The following DISC1 variants were observed in gnomAD, a reference collection of about 807,000 sequenced individuals.
The protein encoded by DISC1 is DISC1 scaffold protein.
In DISC1, 57 loss-of-function variants were observed where a neutral mutation model predicts 84.5. The observed-to-expected ratio is 0.67, with a 90% confidence interval of 0.55 to 0.84. The LOEUF is 0.84. Ranked by LOEUF, DISC1 falls within the 40% of genes least tolerant of loss-of-function variation. The probability of loss-of-function intolerance (pLI) is 0.00; values close to 1 mark genes in which losing one functional copy is unlikely to be tolerated. For missense variants in DISC1, 1,000 were observed against 1,057.8 expected, an observed-to-expected ratio of 0.95 and a Z score of 0.76; for synonymous variants, 411 against 415.2, an observed-to-expected ratio of 0.99 and a Z score of 0.12.
At chr1:231,970,635 C>T (rs1309355608) in intron 10 of DISC1, among the ~76,000 whole-genome samples, 2 of 151,940 alleles carry the variant, frequency 1.3e-5, no homozygotes, top group East Asian at 1.9e-4. Flanking sequence ...GAAAGATAGC[C>T]TGAAGAAAAA....
At chr1:231,833,453 G>A (rs1473288681) in intron 9 of DISC1, among the ~76,000 whole-genome samples, 1 of 151,754 alleles carries the variant, frequency 6.6e-6, no homozygotes, top group Non-Finnish European at 1.5e-5. Flanking sequence ...CTTCCAAGGC[G>A]ATTTGGCAGT....
chr1:231,905,594 C>A (rs1558714932), intron 9 of DISC1, among the ~76,000 whole-genome samples: 1 of 151,898 alleles, frequency 6.6e-6, no homozygotes, highest in Non-Finnish European at 1.5e-5. Context: ...TGCATTCCAG[C>A]CTGAGCAACA....
chr1:231,823,930 G>T (rs2081673674), intron 9 of DISC1, among the ~76,000 whole-genome samples: 1 of 151,514 alleles, frequency 6.6e-6, no homozygotes, highest in South Asian at 2.1e-4. Context: ...TTTTAAAGGG[G>T]TCATTCTAAG....
At chr1:232,024,829 A>G (rs2103038104) in intron 11 of DISC1, among the ~76,000 whole-genome samples, 1 of 152,076 alleles carries the variant, frequency 6.6e-6, no homozygotes, top group East Asian at 1.9e-4. Context: ...TGACCTCATG[A>G]TCCACCCGCC....
intron 10 of DISC1, among the ~76,000 whole-genome samples, chr1:231,997,195 C>T (rs1471706774): frequency 6.6e-6 from 1 of 152,210 alleles, no homozygotes; most frequent in East Asian, 1.9e-4. Context: ...GGACTACCCT[C>T]ACTCAGGGTG....
At chr1:231,660,625 G>C (rs1446001706) in intron 1 of DISC1, among the ~76,000 whole-genome samples, 1 of 152,094 alleles carries the variant, frequency 6.6e-6, no homozygotes, top group Admixed American at 6.5e-5. Flanking sequence ...ACAGGCACCT[G>C]CCATCTTTTA....
chr1:231,971,332 G>A (rs1661925334), intron 10 of DISC1, among the ~76,000 whole-genome samples: 1 of 152,082 alleles, frequency 6.6e-6, no homozygotes, highest in Non-Finnish European at 1.5e-5. Flanking sequence ...TTGCTAACAT[G>A]GTATGAACCT....
At position 231,626,831 on chromosome 1, in the gene DISC1, A is replaced by G; in HGVS notation, c.-37A>G. The G allele has an allele frequency of 7.1e-7, 1 of 1,416,296 alleles. No individual in the cohort carries two copies. The highest frequency in any genetic ancestry group is 3.1e-5 in the Admixed American group (1 of 31,988). 87.7% of individuals were successfully genotyped at this position (1,416,296 alleles called of 1,614,324 possible). On this transcript the variant is annotated 5_prime_UTR_variant, in exon 1 of 13. Coordinates refer to ENST00000439617, the MANE Select transcript of DISC1 (RefSeq NM_018662.3). ...TGGCCTCGGGGAAGGAGCAGGAGGC[A>G]GCCCAGGCGGAGCGGGAGGAGCTGG...
At chr1:231,940,752 G>A (rs1258446147) in intron 9 of DISC1, among the ~76,000 whole-genome samples, 1 of 152,228 alleles carries the variant, frequency 6.6e-6, no homozygotes, top group African/African-American at 2.4e-5. Context: ...AATACATGCA[G>A]TTTTCACATT....
chr1:231,709,850 T>C (rs1251899734), intron 3 of DISC1, among the ~76,000 whole-genome samples: 1 of 152,196 alleles, frequency 6.6e-6, no homozygotes, highest in African/African-American at 2.4e-5. Flanking sequence ...CTGTTCATGT[T>C]GTAGAGTCCG....
At chr1:231,885,001 C>G (rs1178997205) in intron 9 of DISC1, among the ~76,000 whole-genome samples, 1 of 152,174 alleles carries the variant, frequency 6.6e-6, no homozygotes, top group African/African-American at 2.4e-5. Flanking sequence ...CCATGGCCAA[C>G]TGGCTTTAGA....
At chr1:231,871,648 A>G (rs1476423392) in intron 9 of DISC1, among the ~76,000 whole-genome samples, 2 of 152,228 alleles carry the variant, frequency 1.3e-5, no homozygotes, top group African/African-American at 2.4e-5. Context: ...TCTGTCTTAA[A>G]GGAAGTCAGG....
chr1:231,712,004 CTA>C (rs1431131299), intron 3 of DISC1, among the ~76,000 whole-genome samples: 1 of 152,094 alleles, frequency 6.6e-6, no homozygotes, highest in Admixed American at 6.5e-5. Context: ...GAGGTGGGTC[CTA>C]TATGACATCA....
intron 8 of DISC1, among the ~76,000 whole-genome samples, chr1:231,817,682 AG>A (rs113599772): frequency 6.6e-6 from 1 of 152,100 alleles, no homozygotes; most frequent in Non-Finnish European, 1.5e-5. Context: ...ATCATCTTCT[AG>A]TTTTTTGTTA....
At chr1:232,021,020 G>A (rs7533169) in intron 11 of DISC1, among the ~76,000 whole-genome samples, 28,671 of 152,122 alleles carry the variant, frequency 0.19, 2,831 homozygotes, top group African/African-American at 0.21. Flanking sequence ...CTGTGTGACC[G>A]TAACATATAA....
At chr1:231,958,742 C>T in intron 9 of DISC1, 86 bp from the exon 10 acceptor site, 1 of 1,355,952 alleles carries the variant, frequency 7.4e-7, no homozygotes, top group African/African-American at 1.4e-5. Flanking sequence ...GACCTCAATC[C>T]TTTGGCTTTG....
intron 9 of DISC1, among the ~76,000 whole-genome samples, chr1:231,833,671 A>G (rs2082412115): frequency 6.6e-6 from 1 of 152,154 alleles, no homozygotes; most frequent in African/African-American, 2.4e-5. Context: ...TGGCACTTGT[A>G]GCAAGCTCCT....
chr1:231,783,120 T>A (rs961569941), intron 6 of DISC1, among the ~76,000 whole-genome samples: 3 of 152,192 alleles, frequency 2.0e-5, no homozygotes, highest in African/African-American at 7.2e-5. Flanking sequence ...CTGGATGTAG[T>A]ATCATTTTCC....
chr1:231,941,036 C>G (rs938985365), intron 9 of DISC1: 4 of 152,248 alleles, frequency 2.6e-5, no homozygotes, highest in African/African-American at 9.6e-5. Context: ...AACACCTCCT[C>G]TCATAGGCAT....
Sources: allele counts gnomAD v4.1 joint callset (sites outside exome capture counted in the v4.1 genomes callset), GRCh38; gene constraint gnomAD v4.1.1; transcripts MANE v1.5; gene names NCBI Gene and HGNC (gene_info 2026-07-23, HGNC 2026-07-21).